Variants in CFAP91 observed in about 807,000 individuals in gnomAD.
The protein encoded by CFAP91 is cilia- and flagella-associated protein 91.
In CFAP91, 85 loss-of-function variants were observed where a neutral mutation model predicts 95.9. The ratio of observed to expected loss-of-function variants is 0.89; its 90% CI spans 0.74 to 1.06. The LOEUF (loss-of-function observed/expected upper bound fraction) is 1.06. CFAP91 is among the 50% of genes least tolerant of loss of function. The probability of loss-of-function intolerance (pLI) is 0.00; values close to 1 mark genes in which losing one functional copy is unlikely to be tolerated. For synonymous variants in CFAP91, 335 were observed against 327.5 expected, an observed-to-expected ratio of 1.02 and a Z score of -0.25; for missense variants, 962 against 943.4, an observed-to-expected ratio of 1.02 and a Z score of -0.26.
rs2107846816 is a variant in CFAP91 at position 119,703,207 on chromosome 3, T to A, written c.109T>A (p.Tyr37Asn). The change falls in exon 1 of 18, where the codon TAT (tyrosine) becomes AAT (asparagine). Residue 37 changes from tyrosine (Y) to asparagine (N), a missense_variant. Coordinates refer to ENST00000273390, the MANE Select transcript of CFAP91 (RefSeq NM_033364.4). ...AGSHISSNRA[Y>N]DFLYDPLFIV... ...GAGCCACATCTCCTCCAATCGAGCG[T>A]ATGATTTTCTGTACGGTAAGGACCG... 6.2e-7 allele frequency: 1 copy of A among 1,612,114 alleles called. No individual in the cohort carries two copies. Among genetic ancestry groups the A allele is most frequent in the Non-Finnish European group, 8.5e-7 (1 of 1,179,164 alleles).
intron 12 of CFAP91, 21 bp downstream of exon 12, chr3:119,739,347 G>A: frequency 1.2e-6 from 2 of 1,610,794 alleles, no homozygotes; most frequent in African/African-American, 1.3e-5. Context: ...CCAACCGCTG[G>A]CCCTGCATTT....
chr3:119,724,514 A>G (rs1239978010), intron 6 of CFAP91, among the ~76,000 whole-genome samples: 1 of 152,168 alleles, frequency 6.6e-6, no homozygotes, highest in Non-Finnish European at 1.5e-5. Context: ...AGACCCACCA[A>G]ATAATATGTA....
intron 11 of CFAP91, among the ~76,000 whole-genome samples, chr3:119,738,420 C>T (rs1217739898): frequency 7.8e-6 from 1 of 127,622 alleles, no homozygotes; most frequent in Admixed American, 1.0e-4. Context: ...GCAACCTTGG[C>T]TCACTGCAAC....
Position 119,703,059 on chromosome 3 carries a change from C to A in CFAP91, c.-40C>A, listed in dbSNP as rs749813074. ...ACGTGCACGCAGTAGCCAGGCCTGA[C>A]CCGCTGGTCCCTTGCTGGCGGGAGG... On this transcript the variant is annotated 5_prime_UTR_variant, in exon 1 of 18. Coordinates refer to ENST00000273390, the MANE Select transcript of CFAP91 (RefSeq NM_033364.4). 2 of 1,547,474 alleles carry A rather than the reference C, an allele frequency of 1.3e-6. No homozygotes were observed. The highest frequency in any genetic ancestry group is 2.4e-5 in the East Asian group (1 of 40,914).
At chr3:119,723,077 A>G (rs2053717334) in intron 6 of CFAP91, among the ~76,000 whole-genome samples, 2 of 152,188 alleles carry the variant, frequency 1.3e-5, no homozygotes, top group Non-Finnish European at 1.5e-5. Flanking sequence ...CTTCCCAGAA[A>G]TTATACAAAA....
At chr3:119,726,424 T>C in intron 7 of CFAP91, 76 bp downstream of exon 7, 1 of 1,368,586 alleles carries the variant, frequency 7.3e-7, no homozygotes, top group Non-Finnish European at 9.9e-7. Flanking sequence ...TGCAAAGCAT[T>C]CTCCCAAATG....
chr3:119,732,518 G>A, intron 9 of CFAP91, 42 bp downstream of exon 9: 1 of 1,292,714 alleles, frequency 7.7e-7, no homozygotes, highest in Non-Finnish European at 1.1e-6. Context: ...TAAGAAGGTT[G>A]TCTCAGAAAT....
intron 14 of CFAP91, among the ~76,000 whole-genome samples, chr3:119,745,208 A>G (rs1020191850): frequency 1.3e-5 from 2 of 152,208 alleles, no homozygotes; most frequent in Non-Finnish European, 2.9e-5. Context: ...AACCTTCCTA[A>G]TTAAAATATA....
intron 12 of CFAP91, 28 bp from the exon 13 acceptor site, chr3:119,740,521 G>T (rs1295726877): frequency 1.2e-5 from 20 of 1,607,956 alleles, no homozygotes; most frequent in Non-Finnish European, 1.5e-5. Flanking sequence ...GTAACTTGCA[G>T]GTCTGTCTTT....
At chr3:119,764,790 T>C (rs1207109676) in intron 17 of CFAP91, among the ~76,000 whole-genome samples, 1 of 152,116 alleles carries the variant, frequency 6.6e-6, no homozygotes, top group African/African-American at 2.4e-5. Context: ...GTATTTTTAT[T>C]TTTTTATGAT....
chr3:119,739,699 C>A (rs1037414669), intron 12 of CFAP91, among the ~76,000 whole-genome samples: 4 of 152,166 alleles, frequency 2.6e-5, no homozygotes, highest in Non-Finnish European at 5.9e-5. Flanking sequence ...AGTCATAATA[C>A]AATTATTTGA....
chr3:119,740,581 G>A lies in CFAP91; in HGVS notation c.1566G>A (p.Leu522=). The A allele has an allele frequency of 1.2e-6, 2 of 1,613,980 alleles. No individual in the cohort carries two copies. Among genetic ancestry groups the A allele is most frequent in the Non-Finnish European group, 1.7e-6 (2 of 1,180,006 alleles). Residue 522 remains leucine (L), a synonymous_variant, in exon 13 of 18, where the codon TTG becomes TTA. Coordinates refer to ENST00000273390, the MANE Select transcript of CFAP91 (RefSeq NM_033364.4). ...MFEGKEKRLE[L]IQELRTCHAL... ...AAGGGAAAGAAAAGCGACTGGAGTT[G>A]ATCCAGGAGTTGCGCACCTGCCACG... is the stretch of plus-strand genomic sequence containing the variant.
intron 10 of CFAP91, 23 bp from the exon 11 acceptor site, chr3:119,737,343 T>C: frequency 7.1e-7 from 1 of 1,402,236 alleles, no homozygotes; most frequent in Non-Finnish European, 9.9e-7. Flanking sequence ...AAAAAGAGAT[T>C]ATATTAATTG....
chr3:119,760,369 A>G (rs2054516891), intron 17 of CFAP91, among the ~76,000 whole-genome samples: 1 of 151,900 alleles, frequency 6.6e-6, no homozygotes, highest in Non-Finnish European at 1.5e-5. Context: ...TCAACATTGG[A>G]GCCCCTAAAT....
intron 13 of CFAP91, 141 bp downstream of exon 13, chr3:119,740,836 TG>T: frequency 8.6e-6 from 2 of 233,508 alleles, no homozygotes; most frequent in Non-Finnish European, 1.4e-5. Flanking sequence ...TGTCAGCATT[TG>T]TGTGTGTGTG....
At chr3:119,760,947 A>G (rs1559772784) in intron 17 of CFAP91, among the ~76,000 whole-genome samples, 1 of 151,468 alleles carries the variant, frequency 6.6e-6, no homozygotes, top group African/African-American at 2.4e-5. Flanking sequence ...TAAACAACGT[A>G]ATATTACACC....
intron 1 of CFAP91, 151 bp from the exon 2 acceptor site, chr3:119,706,658 G>T: frequency 1.6e-6 from 1 of 623,834 alleles, no homozygotes; most frequent in Non-Finnish European, 2.9e-6. Context: ...AGGGCCACAT[G>T]CACAACAGAG....
intron 17 of CFAP91, among the ~76,000 whole-genome samples, chr3:119,760,066 A>G (rs1166693775): frequency 6.6e-6 from 1 of 151,908 alleles, no homozygotes. Context: ...AAATTCTCCA[A>G]TTCAAAGACA....
At chr3:119,717,220 A>T (rs1393376054) in intron 6 of CFAP91, among the ~76,000 whole-genome samples, 1 of 152,174 alleles carries the variant, frequency 6.6e-6, no homozygotes, top group African/African-American at 2.4e-5. Flanking sequence ...CCCAATAAAG[A>T]TTATAGACAG....
Sources: allele counts gnomAD v4.1 joint callset (sites outside exome capture counted in the v4.1 genomes callset), GRCh38; gene constraint gnomAD v4.1.1; transcripts MANE v1.5; gene names NCBI Gene and HGNC (gene_info 2026-07-23, HGNC 2026-07-21).